Variants in TUSC3 observed in about 807,000 individuals in gnomAD.
The protein encoded by TUSC3 is tumor suppressor candidate 3.
In TUSC3, 45 loss-of-function variants were observed where a neutral mutation model predicts 44.8. The ratio of observed to expected loss-of-function variants is 1.00; its 90% CI spans 0.79 to 1.29. TUSC3 has a LOEUF of 1.29. Ranked by LOEUF, TUSC3 falls within the 50% of genes most tolerant of loss-of-function variation. The pLI is 0.00. For missense variants in TUSC3, 519 were observed against 437.9 expected (o/e 1.19, Z -1.65); for synonymous variants, 212 against 152.9 (o/e 1.39, Z -2.85).
intron 1 of TUSC3, among the ~76,000 whole-genome samples, chr8:15,426,813 T>C (rs1436418374): frequency 1.3e-5 from 2 of 152,232 alleles, no homozygotes; most frequent in Admixed American, 6.5e-5. Context: ...ACTTCTGTAC[T>C]GTATGCCATA....
intron 1 of TUSC3, among the ~76,000 whole-genome samples, chr8:15,593,613 T>G (rs572865254): frequency 8.1e-4 from 124 of 152,318 alleles, no homozygotes; most frequent in African/African-American, 2.9e-3. Flanking sequence ...AAGATTAATT[T>G]AATAATACAA....
the TUSC3 span, among the ~76,000 whole-genome samples, chr8:15,829,246 A>C: frequency 1.3e-5 from 2 of 152,190 alleles, no homozygotes; most frequent in Non-Finnish European, 2.9e-5. Flanking sequence ...CAAAGAATCA[A>C]CTTCACTCAT....
the TUSC3 span, chr8:15,806,263 G>C: frequency 1.7e-6 from 1 of 604,122 alleles, no homozygotes; most frequent in Non-Finnish European, 3.1e-6. Flanking sequence ...CCAGGTGGCA[G>C]TCTGGGGATG....
chr8:15,431,778 G>C (rs1384451748), intron 1 of TUSC3, among the ~76,000 whole-genome samples: 3 of 151,456 alleles, frequency 2.0e-5, no homozygotes. Context: ...TTTTACCATT[G>C]ACTATTATGT....
intron 6 of TUSC3, among the ~76,000 whole-genome samples, chr8:15,711,214 T>G (rs1413315176): frequency 6.6e-6 from 1 of 151,772 alleles, no homozygotes; most frequent in Non-Finnish European, 1.5e-5. Context: ...CCTGTAAGTC[T>G]CTCCTCGATG....
chr8:15,445,956 C>T (rs1042296505), intron 1 of TUSC3, among the ~76,000 whole-genome samples: 1 of 150,326 alleles, frequency 6.7e-6, no homozygotes, highest in Non-Finnish European at 1.5e-5. Flanking sequence ...GGGGGCTGCC[C>T]CCCACCTCGC....
intron 6 of TUSC3, among the ~76,000 whole-genome samples, chr8:15,686,252 A>G (rs1237187367): frequency 3.3e-5 from 5 of 152,190 alleles, no homozygotes; most frequent in Non-Finnish European, 7.3e-5. Flanking sequence ...ATATGCATTT[A>G]ATGAAATAAA....
intron 2 of TUSC3, among the ~76,000 whole-genome samples, chr8:15,498,614 A>T (rs949800945): frequency 6.6e-6 from 1 of 152,186 alleles, no homozygotes; most frequent in Non-Finnish European, 1.5e-5. Flanking sequence ...TTAGGTGGAG[A>T]GTTGGAAATA....
intron 1 of TUSC3, among the ~76,000 whole-genome samples, chr8:15,556,259 TG>T (rs1178355423): frequency 6.9e-6 from 1 of 145,658 alleles, no homozygotes; most frequent in African/African-American, 2.5e-5. Flanking sequence ...ATGCGGTGTT[TG>T]GTTTTTTGTT....
At chr8:15,845,608 T>C in the TUSC3 span, among the ~76,000 whole-genome samples, 2 of 152,230 alleles carry the variant, frequency 1.3e-5, no homozygotes, top group East Asian at 1.9e-4. Context: ...TTGGAGTGAA[T>C]TGGGACCCCT....
At chr8:15,728,051 A>T (rs1206859705) in intron 6 of TUSC3, among the ~76,000 whole-genome samples, 1 of 152,218 alleles carries the variant, frequency 6.6e-6, no homozygotes, top group Non-Finnish European at 1.5e-5. Flanking sequence ...GTCTCTAAGG[A>T]CAAAGTGTGA....
At chr8:15,649,323 G>A (rs372416580) in intron 2 of TUSC3, among the ~76,000 whole-genome samples, 97 of 152,170 alleles carry the variant, frequency 6.4e-4, no homozygotes, top group African/African-American at 2.2e-3. Flanking sequence ...GGTGGCTCAC[G>A]CCTGTAATCC....
intron 1 of TUSC3, among the ~76,000 whole-genome samples, chr8:15,618,935 T>A (rs919241182): frequency 1.3e-5 from 2 of 152,168 alleles, no homozygotes; most frequent in Non-Finnish European, 2.9e-5. Context: ...TGGAGTCTGT[T>A]GTTAAGTGAT....
chr8:15,614,545 G>T (rs923507023), intron 1 of TUSC3, among the ~76,000 whole-genome samples: 2 of 152,106 alleles, frequency 1.3e-5, no homozygotes, highest in African/African-American at 4.8e-5. Flanking sequence ...AGAATAAAAT[G>T]TGTGGTCTGT....
chr8:15,480,742 C>T (rs538717184), intron 1 of TUSC3, among the ~76,000 whole-genome samples: 1 of 152,302 alleles, frequency 6.6e-6, no homozygotes, highest in East Asian at 1.9e-4. Context: ...TAAAAGGACA[C>T]TGGTCAGATC....
chr8:15,682,431 C>G (rs1393728696), intron 6 of TUSC3, among the ~76,000 whole-genome samples: 1 of 151,804 alleles, frequency 6.6e-6, no homozygotes, highest in Non-Finnish European at 1.5e-5. Flanking sequence ...CTTCTTTGTC[C>G]TTTTTTAACT....
chr8:15,563,344 G>A (rs992693579), intron 1 of TUSC3, among the ~76,000 whole-genome samples: 2 of 152,094 alleles, frequency 1.3e-5, no homozygotes, highest in Admixed American at 6.6e-5. Context: ...AAAGGCTACT[G>A]TTTGCATGGT....
chr8:15,763,888 C>T (rs574336857), intron 10 of TUSC3, among the ~76,000 whole-genome samples: 2 of 152,154 alleles, frequency 1.3e-5, no homozygotes, highest in Admixed American at 1.3e-4. Flanking sequence ...TTGTATTTCC[C>T]CTACATTACC....
chr8:15,751,728 G>GTATT (rs1811713261), intron 9 of TUSC3, among the ~76,000 whole-genome samples: 1 of 152,180 alleles, frequency 6.6e-6, no homozygotes, highest in African/African-American at 2.4e-5. Context: ...GACCAGAGTA[G>GTATT]TATTTAATTC....
Sources: gnomAD v4.1 joint callset for allele counts (sites outside exome capture counted in the v4.1 genomes callset) on GRCh38, gnomAD v4.1.1 for gene constraint, MANE v1.5 for transcripts, NCBI Gene and HGNC (gene_info 2026-07-23, HGNC 2026-07-21) for gene names.